ARHGAP44: variants seen among roughly 807,000 people sequenced by gnomAD.
ARHGAP44 encodes Rho GTPase activating protein 44.
ARHGAP44 carries 43 observed loss-of-function variants against 106.8 expected under a neutral mutation model. That is an observed-to-expected ratio of 0.40 (90% CI 0.32 to 0.52). The LOEUF is 0.52. ARHGAP44 is among the 20% of genes least tolerant of loss of function. The pLI, the probability that ARHGAP44 is intolerant of heterozygous loss-of-function variation, is 0.48. For missense variants in ARHGAP44, 866 were observed against 1,050.5 expected (o/e 0.82, Z 2.43); for synonymous variants, 439 against 410.3 (o/e 1.07, Z -0.85).
rs543054533 is a variant in ARHGAP44, at chr17:12,818,543, A to G, written c.53+28652A>G. Among the ~76,000 whole-genome samples the G allele has an allele frequency of 9.9e-5, 15 of 152,160 alleles. No individual in the cohort carries two copies. In the East Asian group the frequency reaches 2.9e-3, roughly 29 times the overall value. ...TTGAAAAAGAATAAATAAAACTGCCACTATTTGTAGACGATGTGATCACCT... is the reference window on the plus strand; with the variant it reads ...TTGAAAAAGAATAAATAAAACTGCCGCTATTTGTAGACGATGTGATCACCT... On this transcript the variant is annotated intron_variant, in intron 1 of 20. Coordinates refer to ENST00000379672, the MANE Select transcript of ARHGAP44 (RefSeq NM_014859.6).
intron 1 of ARHGAP44, among the ~76,000 whole-genome samples, chr17:12,831,747 C>T (rs2035095335): frequency 1.3e-5 from 2 of 152,122 alleles, no homozygotes; most frequent in South Asian, 2.1e-4. Flanking sequence ...GAAGGATTCA[C>T]CATTGTAAGC....
chr17:12,813,070 C>G (rs1473341159), intron 1 of ARHGAP44, among the ~76,000 whole-genome samples: 1 of 152,198 alleles, frequency 6.6e-6, no homozygotes, highest in African/African-American at 2.4e-5. Context: ...ATGCTGCAGT[C>G]AGGCCAGTCT....
Position 12,980,221 on chromosome 17 carries a change from A to T in ARHGAP44, c.1927A>T (p.Thr643Ser), listed in dbSNP as rs972988533. Residue 643 changes from threonine to serine, a missense_variant, in exon 19 of 21, where the codon ACC (threonine) becomes TCC (serine). Physicochemically the swap from Thr to Ser is moderately conservative, Grantham distance 58 (BLOSUM62 1). This residue lies in a region of ARHGAP44 where 418 missense variants were observed against 403.6 expected (regional missense o/e 1.04). Coordinates refer to ENST00000379672, the MANE Select transcript of ARHGAP44 (RefSeq NM_014859.6). Reference protein sequence around the residue: ...SQPPADQSPHTLRKVSKKLAP... With the variant: ...SQPPADQSPHSLRKVSKKLAP... ...GCCGCCTGCAGACCAGAGTCCTCAC[A>T]CCCTCCGGAAAGGTATGGCCCTGCT... The T allele has an allele frequency of 1.2e-6, 2 of 1,612,092 alleles. No individual in the cohort carries two copies. Among genetic ancestry groups the T allele is most frequent in the Admixed American group, 3.3e-5 (2 of 59,822 alleles).
intron 1 of ARHGAP44, among the ~76,000 whole-genome samples, chr17:12,881,185 A>G (rs1270269806): frequency 1.3e-5 from 2 of 151,368 alleles, no homozygotes; most frequent in African/African-American, 4.8e-5. Flanking sequence ...TATGTCTTTT[A>G]ATCTTTTCTT....
At chr17:12,948,610 C>T (rs561859185) in intron 10 of ARHGAP44, among the ~76,000 whole-genome samples, 5 of 152,172 alleles carry the variant, frequency 3.3e-5, no homozygotes, top group African/African-American at 9.6e-5. Flanking sequence ...GCAGAGGTTG[C>T]ACTGAGTCAA....
intron 1 of ARHGAP44, among the ~76,000 whole-genome samples, chr17:12,816,446 A>T (rs1666786750): frequency 6.6e-6 from 1 of 152,058 alleles, no homozygotes; most frequent in Admixed American, 6.5e-5. Flanking sequence ...AGGGAAAGTC[A>T]TAAATCTTAA....
At chr17:12,843,865 C>G (rs534022125) in intron 1 of ARHGAP44, among the ~76,000 whole-genome samples, 11 of 151,696 alleles carry the variant, frequency 7.3e-5, no homozygotes, top group African/African-American at 2.7e-4. Context: ...CCGTGTTGGC[C>G]AGGATGCTCT....
At chr17:12,833,209 A>T (rs1204263443) in intron 1 of ARHGAP44, among the ~76,000 whole-genome samples, 1 of 152,234 alleles carries the variant, frequency 6.6e-6, no homozygotes, top group Admixed American at 6.5e-5. Flanking sequence ...AGTAAGAATT[A>T]CTGAGCATGA....
chr17:12,886,591 C>T (rs2150906577), intron 1 of ARHGAP44, among the ~76,000 whole-genome samples: 1 of 152,034 alleles, frequency 6.6e-6, no homozygotes, highest in South Asian at 2.1e-4. Flanking sequence ...TTTTTTATTT[C>T]AGTATTCATG....
intron 16 of ARHGAP44, among the ~76,000 whole-genome samples, chr17:12,969,478 C>G (rs59649534): frequency 0.1 from 15,782 of 152,146 alleles, 932 homozygotes; most frequent in South Asian, 0.2. Context: ...AAGGATGATT[C>G]GAGGATAATC....
intron 16 of ARHGAP44, among the ~76,000 whole-genome samples, chr17:12,960,544 C>T (rs546448865): frequency 2.4e-4 from 35 of 148,446 alleles, no homozygotes; most frequent in African/African-American, 7.4e-4. Flanking sequence ...CCAGCCTGGG[C>T]GACAGAGCAA....
At chr17:12,877,732 A>G (rs1395118914) in intron 1 of ARHGAP44, among the ~76,000 whole-genome samples, 1 of 151,978 alleles carries the variant, frequency 6.6e-6, no homozygotes, top group Non-Finnish European at 1.5e-5. Flanking sequence ...CCTGGGTGAC[A>G]GAGCGAGACT....
chr17:12,917,022 A>G (rs892119989), intron 5 of ARHGAP44, among the ~76,000 whole-genome samples: 9 of 152,316 alleles, frequency 5.9e-5, no homozygotes, highest in Admixed American at 5.2e-4. Flanking sequence ...ACCGGTAAAT[A>G]TGATGCAAAT....
chr17:12,951,164 G>A (rs1390801803), intron 12 of ARHGAP44, among the ~76,000 whole-genome samples: 2 of 152,120 alleles, frequency 1.3e-5, no homozygotes, highest in East Asian at 1.9e-4. Context: ...TAATTACAAC[G>A]TTACCATTTA....
At chr17:12,951,340 T>A (rs1353294308) in intron 12 of ARHGAP44, among the ~76,000 whole-genome samples, 1 of 152,186 alleles carries the variant, frequency 6.6e-6, no homozygotes, top group African/African-American at 2.4e-5. Flanking sequence ...ACCTGCTGGC[T>A]AATAAGTGGC....
chr17:12,847,722 G>A, intron 1 of ARHGAP44, among the ~76,000 whole-genome samples: 1 of 150,740 alleles, frequency 6.6e-6, no homozygotes, highest in South Asian at 2.1e-4. Flanking sequence ...TTTCACCGTG[G>A]TCTCGATCTT....
At chr17:12,983,264 TA>T (rs56038306) in intron 19 of ARHGAP44, among the ~76,000 whole-genome samples, 95 of 95,820 alleles carry the variant, frequency 9.9e-4, no homozygotes, top group African/African-American at 2.1e-3. Flanking sequence ...GACTCCATCT[TA>T]AAAAAAAAAA....
chr17:12,838,172 C>G (rs960619752), intron 1 of ARHGAP44, among the ~76,000 whole-genome samples: 9 of 152,166 alleles, frequency 5.9e-5, no homozygotes, highest in Non-Finnish European at 1.0e-4. Flanking sequence ...ATTGCTAACA[C>G]TATCCTTGTC....
intron 1 of ARHGAP44, among the ~76,000 whole-genome samples, chr17:12,877,116 G>T (rs2036581636): frequency 6.6e-6 from 1 of 152,094 alleles, no homozygotes; most frequent in Admixed American, 6.6e-5. Flanking sequence ...GACCGTCTCT[G>T]CATCATGGCT....
Sources: gnomAD v4.1 joint callset for allele counts (sites outside exome capture counted in the v4.1 genomes callset) on GRCh38, gnomAD v4.1.1 for gene constraint, gnomAD v4.1.1 regional missense constraint, MANE v1.5 for transcripts, NCBI Gene and HGNC (gene_info 2026-07-23, HGNC 2026-07-21) for gene names.